The following FILIP1 variants were observed in gnomAD, a reference collection of about 807,000 sequenced individuals.
FILIP1 encodes filamin A interacting protein 1.
FILIP1 carries 61 observed loss-of-function variants against 102.1 expected under a neutral mutation model. The observed-to-expected ratio is 0.60, with a 90% CI of 0.49 to 0.74. The LOEUF is 0.74. Ranked by LOEUF, FILIP1 falls within the 30% of genes least tolerant of loss-of-function variation. FILIP1 has a pLI of 0.00. For synonymous variants in FILIP1, 491 were observed against 526.9 expected (o/e 0.93, Z 0.93); for missense variants, 1,314 against 1,441.2 (o/e 0.91, Z 1.43).
chr6:75,363,000 G>T (rs1775220918), intron 2 of FILIP1, 83 bp from the exon 3 acceptor site: 6 of 1,351,794 alleles, frequency 4.4e-6, no homozygotes, highest in Middle Eastern at 3.7e-4. Context: ...AGAGCTTATT[G>T]AATACATCCC....
intron 1 of FILIP1, among the ~76,000 whole-genome samples, chr6:75,456,946 G>C (rs1289700934): frequency 2.0e-5 from 3 of 152,130 alleles, no homozygotes; most frequent in African/African-American, 7.2e-5. Flanking sequence ...GTTTGTAAAA[G>C]AGAGGAAAAA....
At chr6:75,331,467 A>G (rs1774078399) in intron 4 of FILIP1, among the ~76,000 whole-genome samples, 1 of 152,326 alleles carries the variant, frequency 6.6e-6, no homozygotes, top group African/African-American at 2.4e-5. Flanking sequence ...CCCCGTTGTC[A>G]GTGTATTAGG....
chr6:75,491,387 A>C (rs1233938246), intron 1 of FILIP1, among the ~76,000 whole-genome samples: 1 of 152,168 alleles, frequency 6.6e-6, no homozygotes, highest in East Asian at 1.9e-4. Flanking sequence ...GAAGGTTTTC[A>C]AAATACCCAG....
At chr6:75,489,431 A>G (rs988732491) in intron 1 of FILIP1, among the ~76,000 whole-genome samples, 26 of 152,136 alleles carry the variant, frequency 1.7e-4, no homozygotes, top group African/African-American at 6.3e-4. Context: ...ATCACAAACT[A>G]TCCGCATCCA....
At chr6:75,413,848 T>C (rs568237217) in intron 2 of FILIP1, among the ~76,000 whole-genome samples, 29 of 148,804 alleles carry the variant, frequency 1.9e-4, no homozygotes, top group Admixed American at 1.7e-3. Flanking sequence ...GCTCAGAAAC[T>C]CAGAAGAATC....
chr6:75,376,953 T>A lies in FILIP1; in HGVS notation c.277-14036A>T, dbSNP rs12202405. On this transcript the variant is annotated intron_variant, in intron 2 of 5. Transcript: ENST00000237172. ...CATCACCACTGTCAAAAGATTATAT[T>A]ACAGCAGAAATGTCTTACTATTTTT... Among the ~76,000 whole-genome samples the A allele has an allele frequency of 3.3e-3, 510 of 152,302 alleles. 4 individuals carry two copies. Among genetic ancestry groups the A allele is most frequent in the Non-Finnish European group, 5.7e-3 (387 of 68,026 alleles).
At chr6:75,405,581 G>C (rs969290757) in intron 2 of FILIP1, among the ~76,000 whole-genome samples, 1 of 152,182 alleles carries the variant, frequency 6.6e-6, no homozygotes, top group African/African-American at 2.4e-5. Context: ...TTCTCAGCAA[G>C]GCAAGTTACT....
At chr6:75,387,918 T>G (rs1449559293) in intron 2 of FILIP1, among the ~76,000 whole-genome samples, 1 of 152,204 alleles carries the variant, frequency 6.6e-6, no homozygotes, top group African/African-American at 2.4e-5. Context: ...TGGCTTTTGT[T>G]GCCATTGCTT....
At chr6:75,336,774 C>A (rs1450648686) in intron 4 of FILIP1, among the ~76,000 whole-genome samples, 7 of 152,060 alleles carry the variant, frequency 4.6e-5, no homozygotes, top group Admixed American at 3.3e-4. Context: ...TACCACTAAA[C>A]GACTACATTC....
At chr6:75,362,629 G>T in intron 3 of FILIP1, 115 bp downstream of exon 3, 1 of 835,802 alleles carries the variant, frequency 1.2e-6, no homozygotes, top group Non-Finnish European at 1.9e-6. Context: ...TTGTATATTA[G>T]TGTATCATCA....
intron 2 of FILIP1, among the ~76,000 whole-genome samples, chr6:75,411,192 T>C: frequency 6.6e-6 from 1 of 152,252 alleles, no homozygotes; most frequent in East Asian, 1.9e-4. Flanking sequence ...CTATTTATCA[T>C]ATGTTTGTTG....
chr6:75,451,664 C>G (rs1370781628), intron 1 of FILIP1, among the ~76,000 whole-genome samples: 1 of 151,974 alleles, frequency 6.6e-6, no homozygotes, highest in Non-Finnish European at 1.5e-5. Flanking sequence ...AATCCTGTCC[C>G]TACTAAAAAT....
chr6:75,465,566 G>T, intron 1 of FILIP1: 2 of 483,306 alleles, frequency 4.1e-6, no homozygotes, highest in Admixed American at 3.8e-5. Context: ...CAGTTTCACA[G>T]CAATTAAAAA....
intron 1 of FILIP1, among the ~76,000 whole-genome samples, chr6:75,438,427 G>A (rs1395430197): frequency 1.3e-5 from 2 of 152,214 alleles, no homozygotes; most frequent in South Asian, 2.1e-4. Context: ...TTTAACCCAA[G>A]TAAGATATAA....
intron 4 of FILIP1, among the ~76,000 whole-genome samples, chr6:75,342,746 T>C (rs1222630985): frequency 6.6e-6 from 1 of 152,184 alleles, no homozygotes; most frequent in African/African-American, 2.4e-5. Flanking sequence ...AAGTTCCTGA[T>C]CCAAGTCAGT....
At chr6:75,428,559 T>G (rs570730487) in intron 1 of FILIP1, 1 of 154,432 alleles carries the variant, frequency 6.5e-6, no homozygotes, top group East Asian at 1.9e-4. Flanking sequence ...AAAGTAGGAC[T>G]AAGTCCAGAA....
intron 1 of FILIP1, among the ~76,000 whole-genome samples, chr6:75,448,838 ATGT>A (rs2149731813): frequency 6.6e-6 from 1 of 152,264 alleles, no homozygotes; most frequent in African/African-American, 2.4e-5. Context: ...AAAATAATAG[ATGT>A]TGGTGTGGAT....
At chr6:75,436,344 G>A (rs1207323831) in intron 1 of FILIP1, among the ~76,000 whole-genome samples, 2 of 150,628 alleles carry the variant, frequency 1.3e-5, no homozygotes, top group East Asian at 1.9e-4. Flanking sequence ...CAGCCTGGGC[G>A]ACAGAGTGAG....
chr6:75,484,083 A>C lies in FILIP1; in HGVS notation c.-7+9331T>G, dbSNP rs181392075. Among the ~76,000 whole-genome samples, 72 of 152,266 alleles carry C rather than the reference A, an allele frequency of 4.7e-4. 1 individual carries two copies. The highest frequency in any genetic ancestry group is 4.7e-3 in the Admixed American group (72 of 15,286). Reference sequence around the variant, plus strand: ...GGACTTAAGTTCTGGTCCTTGCTTTACTTCTTTTTCCACCTATGTGACTCT... The same window carrying C: ...GGACTTAAGTTCTGGTCCTTGCTTTCCTTCTTTTTCCACCTATGTGACTCT... On this transcript the variant is annotated intron_variant, in intron 1 of 5. Transcript: ENST00000237172.
Sources: gnomAD v4.1 joint callset for allele counts (sites outside exome capture counted in the v4.1 genomes callset) on GRCh38, gnomAD v4.1.1 for gene constraint, MANE v1.5 for transcripts, NCBI Gene and HGNC (gene_info 2026-07-23, HGNC 2026-07-21) for gene names.